TNRC6B: variants seen among roughly 807,000 people sequenced by gnomAD.
The protein encoded by TNRC6B is trinucleotide repeat containing adaptor 6B.
TNRC6B carries 52 observed loss-of-function variants against 203.6 expected under a neutral mutation model. That is an observed-to-expected ratio of 0.26 (90% CI 0.20 to 0.32). TNRC6B has a LOEUF of 0.32. Ranked by LOEUF, TNRC6B falls within the 10% of genes least tolerant of loss-of-function variation. TNRC6B has a pLI of 1.00. For missense variants in TNRC6B, 1,923 were observed against 2,286.2 expected (o/e 0.84, Z 3.24); for synonymous variants, 838 against 845.7 (o/e 0.99, Z 0.16).
At position 40,264,837 on chromosome 22, in the gene TNRC6B, A is replaced by G. The variant is rs1267345601; in HGVS notation, c.607A>G (p.Ile203Val). The G allele has an allele frequency of 6.8e-6, 11 of 1,613,932 alleles. No homozygotes were observed. In the East Asian group the frequency reaches 1.8e-4, roughly 26 times the overall value. Residue 203 changes from isoleucine to valine, a missense_variant, in exon 5 of 23, where the codon ATT (isoleucine) becomes GTT (valine). By Grantham distance (29) the Ile-to-Val change is conservative (BLOSUM62 3). Around this residue, in one of 8 missense-constraint regions of TNRC6B, gnomAD observed 614 missense variants for 587.7 expected, o/e 1.04. Coordinates refer to ENST00000454349, the MANE Select transcript of TNRC6B (RefSeq NM_001162501.2). ...DGSDMEEWPC[I>V]ASKDTESSSE... The stretch of plus-strand genomic sequence containing the variant: ...GTCTGACATGGAAGAGTGGCCTTGT[A>G]TTGCCAGCAAAGACACTGAATCTTC...
At chr22:40,061,082 A>C (rs189779366) in intron 1 of TNRC6B, among the ~76,000 whole-genome samples, 105 of 152,278 alleles carry the variant, frequency 6.9e-4, no homozygotes, top group Non-Finnish European at 6.2e-4. Context: ...ATGCTGTTTG[A>C]ATTCTTTTTG....
At chr22:40,286,016 A>G (rs1335826734) in intron 12 of TNRC6B, among the ~76,000 whole-genome samples, 2 of 152,244 alleles carry the variant, frequency 1.3e-5, no homozygotes, top group African/African-American at 4.8e-5. Context: ...GCATACCAAC[A>G]AAGTAGATAT....
rs1314421263 is a variant in TNRC6B, at chr22:40,326,292, G to T, written c.*3051G>T. 1 of 152,426 alleles carries T rather than the reference G, an allele frequency of 6.6e-6. No individual in the cohort carries two copies. Among genetic ancestry groups the T allele is most frequent in the African/African-American group, 2.4e-5 (1 of 41,380 alleles). The allele number at this position is 152,426 out of a possible 1,614,324, so 9.4% of individuals were successfully genotyped here. A position where few individuals can be genotyped will look rare whatever the true frequency, so the allele number is the denominator to read the frequency against. On this transcript the variant is annotated 3_prime_UTR_variant, in exon 23 of 23. Transcript: ENST00000454349. Reference sequence around the variant, plus strand: ...TTACAAGTTCCTGAAACTTCAGAAAGTTTAAACAATTTTTACTTAAAAAAA... The same window carrying T: ...TTACAAGTTCCTGAAACTTCAGAAATTTTAAACAATTTTTACTTAAAAAAA...
Position 40,312,993 on chromosome 22 carries a change from T to A in TNRC6B, c.4674T>A (p.Thr1558=). 1 of 1,612,596 alleles carries A rather than the reference T, an allele frequency of 6.2e-7. No homozygotes were observed. Among genetic ancestry groups the A allele is most frequent in the Non-Finnish European group, 8.5e-7 (1 of 1,178,876 alleles). ...ACTCCTTTACCAACGTTCATAGCACTTCAGGTATGAGTGTGAATTTTTTGT... is the reference window on the plus strand; with the variant it reads ...ACTCCTTTACCAACGTTCATAGCACATCAGGTATGAGTGTGAATTTTTTGT... The part of the protein sequence containing the change: ...SDNSFTNVHS[T]SAKFPDYKST... The change falls in exon 19 of 23, where the codon ACT becomes ACA. Residue 1558 remains threonine, a synonymous_variant. Transcript: ENST00000454349.
At chr22:40,321,398 T>C in intron 22 of TNRC6B, 169 bp downstream of exon 22, 1 of 767,448 alleles carries the variant, frequency 1.3e-6, no homozygotes, top group Non-Finnish European at 2.1e-6. Flanking sequence ...GCCGGGTCTT[T>C]TCCACCAAAG....
At chr22:40,169,458 G>T (rs2068950703) in intron 4 of TNRC6B, among the ~76,000 whole-genome samples, 1 of 151,960 alleles carries the variant, frequency 6.6e-6, no homozygotes, top group African/African-American at 2.4e-5. Context: ...TGAATTGATT[G>T]GCCTTACGAT....
chr22:40,097,169 A>C (rs766760322), intron 1 of TNRC6B, among the ~76,000 whole-genome samples: 7 of 152,238 alleles, frequency 4.6e-5, no homozygotes, highest in Non-Finnish European at 5.9e-5. Flanking sequence ...CTTGTTGAAC[A>C]AAGGAATGAC....
At chr22:40,155,280 A>G (rs938245907) in intron 3 of TNRC6B, among the ~76,000 whole-genome samples, 2 of 151,990 alleles carry the variant, frequency 1.3e-5, no homozygotes, top group South Asian at 2.1e-4. Context: ...AGATAATGCA[A>G]ACTTTTTGTT....
intron 1 of TNRC6B, among the ~76,000 whole-genome samples, chr22:40,237,718 C>CTTT (rs2069966702): frequency 6.6e-6 from 1 of 152,282 alleles, no homozygotes; most frequent in East Asian, 1.9e-4. Context: ...ACTCATCTCC[C>CTTT]AGATGGCTTT....
chr22:40,252,714 G>T (rs977545623), intron 3 of TNRC6B, among the ~76,000 whole-genome samples: 2 of 152,124 alleles, frequency 1.3e-5, no homozygotes, highest in African/African-American at 4.8e-5. Context: ...CCCAGAAGTA[G>T]GCTTTATTTT....
intron 21 of TNRC6B, 46 bp from the exon 22 acceptor site, chr22:40,321,044 C>T: frequency 1.9e-6 from 3 of 1,605,786 alleles, no homozygotes; most frequent in Non-Finnish European, 2.6e-6. Flanking sequence ...TGTACCTTTT[C>T]CACCCCACCT....
At chr22:40,180,078 C>T (rs1443445017) in intron 1 of TNRC6B, among the ~76,000 whole-genome samples, 1 of 152,080 alleles carries the variant, frequency 6.6e-6, no homozygotes, top group African/African-American at 2.4e-5. Context: ...TAGTCTGGAA[C>T]AAAGTTGTCT....
In TNRC6B at chr22:40,177,926, G is replaced by A; in HGVS notation, c.-210G>A. On this transcript the variant is annotated 5_prime_UTR_variant, in exon 1 of 23. Transcript: ENST00000454349. ...AGGTCACAAAAAGCTGCTTCCTTTA[G>A]AGACAGAGAGGGAGAGAGAGAGCAA... 3 of 1,349,506 alleles carry A rather than the reference G, an allele frequency of 2.2e-6. No individual in the cohort carries two copies. Among genetic ancestry groups the A allele is most frequent in the Non-Finnish European group, 2.8e-6 (3 of 1,054,010 alleles). 83.6% of individuals were successfully genotyped at this position (1,349,506 alleles called of 1,614,324 possible).
At chr22:40,292,688 AG>A (rs1334031789) in intron 12 of TNRC6B, among the ~76,000 whole-genome samples, 1 of 152,180 alleles carries the variant, frequency 6.6e-6, no homozygotes, top group Non-Finnish European at 1.5e-5. Flanking sequence ...GGGCGTGAGC[AG>A]GTGTTTGCCT....
chr22:40,320,284 A>G (rs2071318049), intron 21 of TNRC6B, among the ~76,000 whole-genome samples: 1 of 152,178 alleles, frequency 6.6e-6, no homozygotes, highest in Non-Finnish European at 1.5e-5. Context: ...GATCAAGACC[A>G]TCCTGGCCAA....
intron 1 of TNRC6B, among the ~76,000 whole-genome samples, chr22:40,093,637 CA>C (rs1194484366): frequency 6.6e-6 from 1 of 152,010 alleles, no homozygotes; most frequent in Non-Finnish European, 1.5e-5. Flanking sequence ...AGAATGAGGG[CA>C]AAACAAAAGC....
rs2071019819 is a variant in TNRC6B at position 40,301,289 on chromosome 22, T to G, written c.4076T>G (p.Leu1359Arg). The change falls in exon 15 of 23, where the codon CTC (leucine) becomes CGC (arginine). Residue 1359 changes from leucine (L) to arginine (R), a missense_variant. By Grantham distance (102) the Leu-to-Arg change is moderately radical. Coordinates refer to ENST00000454349, the MANE Select transcript of TNRC6B (RefSeq NM_001162501.2). ...NMVPNALNVG[L>R]PDLQTKGPIP... ...GTACCCAACGCATTGAATGTGGGGCTCCCAGACCTTCAAACCAAAGGGCCA... is the reference window on the plus strand; with the variant it reads ...GTACCCAACGCATTGAATGTGGGGCGCCCAGACCTTCAAACCAAAGGGCCA... 2.5e-6 allele frequency: 4 copies of G among 1,602,354 alleles called. No individual in the cohort carries two copies. The highest frequency in any genetic ancestry group is 3.4e-6 in the Non-Finnish European group (4 of 1,173,900).
At chr22:40,245,490 C>T (rs1281569905) in intron 1 of TNRC6B, among the ~76,000 whole-genome samples, 6 of 151,782 alleles carry the variant, frequency 4.0e-5, no homozygotes, top group Non-Finnish European at 5.9e-5. Flanking sequence ...ATATATAAAA[C>T]ATATAGTATT....
intron 1 of TNRC6B, among the ~76,000 whole-genome samples, chr22:40,098,478 A>G (rs916694211): frequency 1.3e-5 from 2 of 151,950 alleles, no homozygotes; most frequent in Non-Finnish European, 2.9e-5. Context: ...TGCTGTAGAA[A>G]GGCACTCTGC....
Sources: gnomAD v4.1 joint callset for allele counts (sites outside exome capture counted in the v4.1 genomes callset) on GRCh38, gnomAD v4.1.1 for gene constraint, gnomAD v4.1.1 regional missense constraint, MANE v1.5 for transcripts, NCBI Gene and HGNC (gene_info 2026-07-23, HGNC 2026-07-21) for gene names.